The following TEX2 variants were observed in gnomAD, a reference collection of about 807,000 sequenced individuals.
TEX2 encodes testis-expressed protein 2.
TEX2 carries 53 observed loss-of-function variants against 106.9 expected under a neutral mutation model. The observed-to-expected ratio is 0.50, with a 90% CI of 0.40 to 0.62. TEX2 has a LOEUF of 0.62. Among genes scored for constraint, TEX2 ranks in the 20% least tolerant of loss-of-function variants. The pLI is 0.00. For synonymous variants in TEX2, 523 were observed against 534.8 expected, an observed-to-expected ratio of 0.98 and a Z score of 0.30; for missense variants, 1,207 against 1,379.0, an observed-to-expected ratio of 0.88 and a Z score of 1.98.
chr17:64,224,948 C>A (rs557924447), intron 1 of TEX2, among the ~76,000 whole-genome samples: 1 of 152,078 alleles, frequency 6.6e-6, no homozygotes, highest in Non-Finnish European at 1.5e-5. Context: ...ATGGGGGCAT[C>A]TACAGGGGAA....
intron 5 of TEX2, among the ~76,000 whole-genome samples, chr17:64,182,812 T>TTTTATTGCATAATAAAC (rs1322986766): frequency 3.8e-4 from 5 of 13,106 alleles, no homozygotes; most frequent in Non-Finnish European, 5.1e-4. Context: ...ATAATAAACT[T>TTTTATTGCATAATAAAC]ATTTTTATTG....
intron 1 of TEX2, among the ~76,000 whole-genome samples, chr17:64,259,173 C>G (rs944853864): frequency 3.3e-5 from 5 of 152,182 alleles, no homozygotes; most frequent in African/African-American, 4.8e-5. Flanking sequence ...AATGGTGAAG[C>G]AGGGATGACA....
At chr17:64,189,263 C>T (rs1024594241) in intron 4 of TEX2, among the ~76,000 whole-genome samples, 2 of 152,204 alleles carry the variant, frequency 1.3e-5, no homozygotes, top group African/African-American at 2.4e-5. Context: ...AACTAAGGGA[C>T]TCTCTGGGCA....
At chr17:64,236,984 G>A (rs782553217) in intron 1 of TEX2, among the ~76,000 whole-genome samples, 2 of 152,206 alleles carry the variant, frequency 1.3e-5, no homozygotes, top group Non-Finnish European at 2.9e-5. Flanking sequence ...GCAGTACTCA[G>A]ATTGACCTCA....
At chr17:64,219,510 A>ATAACATAACATAACATAAC (rs1567951454) in intron 1 of TEX2, among the ~76,000 whole-genome samples, 1 of 99,230 alleles carries the variant, frequency 1.0e-5, no homozygotes, top group African/African-American at 3.7e-5. Flanking sequence ...CATCTCATCA[A>ATAACATAACATAACATAAC]ATAAAATAAA....
chr17:64,246,481 G>A (rs1345943712), intron 1 of TEX2, among the ~76,000 whole-genome samples: 1 of 152,086 alleles, frequency 6.6e-6, no homozygotes, highest in Non-Finnish European at 1.5e-5. Flanking sequence ...TCATGACCTC[G>A]TGATCTGCCC....
intron 5 of TEX2, among the ~76,000 whole-genome samples, chr17:64,179,597 C>T (rs552759754): frequency 1.3e-5 from 2 of 152,280 alleles, no homozygotes; most frequent in East Asian, 3.9e-4. Context: ...ACGAACCCAC[C>T]AGCAGGAACC....
intron 4 of TEX2, 170 bp from the exon 5 acceptor site, chr17:64,188,585 G>A (rs1393375162): frequency 9.7e-7 from 1 of 1,030,598 alleles, no homozygotes; most frequent in African/African-American, 1.6e-5. Context: ...GAGAGGCCGA[G>A]GCGGGCGGAT....
At chr17:64,189,052 A>G (rs2032199420) in intron 4 of TEX2, among the ~76,000 whole-genome samples, 1 of 152,178 alleles carries the variant, frequency 6.6e-6, no homozygotes, top group African/African-American at 2.4e-5. Flanking sequence ...ATCAGGGGTA[A>G]ATGGAAAGTG....
chr17:64,253,038 C>A (rs1228833735), intron 1 of TEX2, among the ~76,000 whole-genome samples: 2 of 152,192 alleles, frequency 1.3e-5, no homozygotes, highest in African/African-American at 4.8e-5. Context: ...GCAGGAGGGG[C>A]TAGATCACAC....
In TEX2 at chr17:64,147,546, C is replaced by G. The variant is rs2030103155; in HGVS notation, c.*1423G>C. The G allele has an allele frequency of 6.6e-6, 1 of 152,432 alleles. No homozygotes were observed. The allele number at this position is 152,432 out of a possible 1,614,324, so 9.4% of individuals were successfully genotyped here. A position where few individuals can be genotyped will look rare whatever the true frequency, so the allele number is the denominator to read the frequency against. ...TACAGTCATGTGTAATCTCTTTACACGATAGTGCATCTAGTCCTTAGCCTT... is the reference window on the plus strand; with the variant it reads ...TACAGTCATGTGTAATCTCTTTACAGGATAGTGCATCTAGTCCTTAGCCTT... On this transcript the variant is annotated 3_prime_UTR_variant, in exon 12 of 12. Coordinates refer to ENST00000584379, the MANE Select transcript of TEX2 (RefSeq NM_001288732.2).
At chr17:64,257,129 T>A (rs1464659839) in intron 1 of TEX2, among the ~76,000 whole-genome samples, 1 of 152,248 alleles carries the variant, frequency 6.6e-6, no homozygotes, top group African/African-American at 2.4e-5. Flanking sequence ...AGGCACTTAA[T>A]GTGTTTGTTG....
At chr17:64,202,145 T>A (rs2032686264) in intron 2 of TEX2, among the ~76,000 whole-genome samples, 1 of 152,104 alleles carries the variant, frequency 6.6e-6, no homozygotes, top group Non-Finnish European at 1.5e-5. Flanking sequence ...AACCAAAGAT[T>A]TTCAGGACAG....
chr17:64,209,804 T>C, intron 2 of TEX2, among the ~76,000 whole-genome samples: 1 of 152,314 alleles, frequency 6.6e-6, no homozygotes, highest in African/African-American at 2.4e-5. Flanking sequence ...CACCCAACAC[T>C]TAGCCCACTG....
chr17:64,233,954 C>T (rs1263778782), intron 1 of TEX2, among the ~76,000 whole-genome samples: 1 of 152,222 alleles, frequency 6.6e-6, no homozygotes, highest in Non-Finnish European at 1.5e-5. Context: ...TCCTAACCCC[C>T]CAACTCAGAT....
In TEX2 at chr17:64,149,047, T is replaced by C; in HGVS notation, c.3306A>G (p.Ile1102Met). Residue 1102 changes from isoleucine to methionine, a missense_variant, in exon 12 of 12, where the codon ATA becomes ATG. Around this residue, in one of 3 missense-constraint regions of TEX2, gnomAD observed 77 missense variants for 73.2 expected, o/e 1.05. Transcript: ENST00000584379. ...MPNMDDVYIT[I>M]MHSAMDPRST... is the part of the protein sequence containing the mutation. Reference sequence around the variant, plus strand: ...AGCGAGGGTCCATGGCTGAGTGCATTATAGTGATATAAACATCATCCATGT... The same window carrying C: ...AGCGAGGGTCCATGGCTGAGTGCATCATAGTGATATAAACATCATCCATGT... 1.9e-6 allele frequency: 3 copies of C among 1,614,136 alleles called. No individual in the cohort carries two copies. In the African/African-American group the frequency reaches 4.0e-5, roughly 22 times the overall value.
In TEX2 at chr17:64,233,107, A is replaced by G. The variant is rs190367448; in HGVS notation, c.-25-18865T>C. On this transcript the variant is annotated intron_variant, in intron 1 of 11. Coordinates refer to ENST00000584379, the MANE Select transcript of TEX2 (RefSeq NM_001288732.2). ...GATTGTGGAGTTTCACAACTGATGG[A>G]TTGGAAGACATTTTTTTAATTCCCC... Among the ~76,000 whole-genome samples, 390 of 152,232 alleles carry G rather than the reference A, an allele frequency of 2.6e-3. 5 individuals are homozygous for G. The highest frequency in any genetic ancestry group is 8.7e-3 in the African/African-American group (361 of 41,546).
intron 4 of TEX2, 63 bp downstream of exon 4, chr17:64,193,496 C>G: frequency 1.2e-4 from 152 of 1,237,352 alleles, no homozygotes; most frequent in Non-Finnish European, 1.4e-4. Context: ...ACCTGGCATT[C>G]TTTCTCTATT....
chr17:64,244,729 A>G (rs539394138), intron 1 of TEX2, among the ~76,000 whole-genome samples: 1 of 152,306 alleles, frequency 6.6e-6, no homozygotes, highest in South Asian at 2.1e-4. Context: ...AATAACACGT[A>G]CATTTCCCCC....
Sources: allele counts gnomAD v4.1 joint callset (sites outside exome capture counted in the v4.1 genomes callset), GRCh38; gene constraint gnomAD v4.1.1; regional missense constraint gnomAD v4.1.1; transcripts MANE v1.5; gene names NCBI Gene and HGNC (gene_info 2026-07-23, HGNC 2026-07-21).